Variants in DLG2 observed in about 807,000 individuals in gnomAD.
DLG2 encodes disks large homolog 2.
DLG2 carries 45 observed loss-of-function variants against 132.5 expected under a neutral mutation model. The observed-to-expected ratio is 0.34, with a 90% confidence interval of 0.27 to 0.44. The LOEUF is 0.44. Among genes scored for constraint, DLG2 ranks in the 20% least tolerant of loss-of-function variants. The pLI, the probability that DLG2 is intolerant of heterozygous loss-of-function variation, is 1.00. For synonymous variants in DLG2, 424 were observed against 419.6 expected (o/e 1.01, Z -0.13); for missense variants, 1,045 against 1,196.9 (o/e 0.87, Z 1.87).
At chr11:84,845,950 G>A (rs1334590052) in intron 6 of DLG2, among the ~76,000 whole-genome samples, 2 of 152,112 alleles carry the variant, frequency 1.3e-5, no homozygotes, top group Non-Finnish European at 1.5e-5. Flanking sequence ...GATTACAGGT[G>A]TGAGCTACTG....
intron 15 of DLG2, among the ~76,000 whole-genome samples, chr11:83,888,610 A>G (rs919484822): frequency 6.6e-6 from 1 of 152,216 alleles, no homozygotes; most frequent in Non-Finnish European, 1.5e-5. Flanking sequence ...TTTAAAGTTC[A>G]TATGGAACCA....
intron 21 of DLG2, among the ~76,000 whole-genome samples, chr11:83,507,260 G>A (rs1592082390): frequency 6.6e-6 from 1 of 151,660 alleles, no homozygotes; most frequent in Non-Finnish European, 1.5e-5. Context: ...GCATTTTTGG[G>A]TCTAATCATA....
chr11:83,848,252 C>G (rs1416746155), intron 16 of DLG2, among the ~76,000 whole-genome samples: 3 of 151,978 alleles, frequency 2.0e-5, no homozygotes, highest in African/African-American at 4.8e-5. Flanking sequence ...AACTACAACC[C>G]CCTTGGGCCT....
At chr11:84,206,554 G>A (rs1366415052) in intron 8 of DLG2, among the ~76,000 whole-genome samples, 1 of 151,946 alleles carries the variant, frequency 6.6e-6, no homozygotes, top group African/African-American at 2.4e-5. Flanking sequence ...GGACCAAGGG[G>A]AATTTTTCAC....
chr11:84,880,460 A>T (rs2087124193), intron 6 of DLG2, among the ~76,000 whole-genome samples: 2 of 152,148 alleles, frequency 1.3e-5, no homozygotes, highest in Non-Finnish European at 2.9e-5. Flanking sequence ...ACAGCCTGAG[A>T]CATGGTTGCT....
intron 7 of DLG2, among the ~76,000 whole-genome samples, chr11:84,365,040 G>A (rs2098673447): frequency 6.6e-6 from 1 of 152,106 alleles, no homozygotes; most frequent in Admixed American, 6.6e-5. Flanking sequence ...ATGAGTTAGG[G>A]AGGATTCCCT....
intron 6 of DLG2, among the ~76,000 whole-genome samples, chr11:84,707,527 G>A (rs1019900987): frequency 3.3e-5 from 5 of 151,790 alleles, no homozygotes; most frequent in African/African-American, 7.2e-5. Flanking sequence ...AAAGCCAGCA[G>A]TGACTTCAAC....
intron 11 of DLG2, among the ~76,000 whole-genome samples, chr11:84,039,257 T>C (rs954672778): frequency 1.3e-5 from 2 of 151,486 alleles, no homozygotes; most frequent in Non-Finnish European, 2.9e-5. Context: ...TTAGGGTACA[T>C]GTGCACATTG....
Position 85,310,518 on chromosome 11 carries a change from C to T in DLG2, c.41-25153G>A, listed in dbSNP as rs1392561316. On this transcript the variant is annotated intron_variant, in intron 3 of 27. Transcript: ENST00000376104. Reference sequence around the variant, plus strand: ...TTCACCCAAGAGGCCTGGCCTAAAACAACCAGCAGATGTCTTGGGCATCCC... The same window carrying T: ...TTCACCCAAGAGGCCTGGCCTAAAATAACCAGCAGATGTCTTGGGCATCCC... Among the ~76,000 whole-genome samples the T allele has an allele frequency of 2.0e-5, 3 of 152,164 alleles. No homozygotes were observed. The East Asian group carries it at 5.8e-4, about 29-fold the overall frequency.
At chr11:85,052,032 A>C (rs1194123127) in intron 6 of DLG2, among the ~76,000 whole-genome samples, 1 of 152,224 alleles carries the variant, frequency 6.6e-6, no homozygotes, top group African/African-American at 2.4e-5. Context: ...ACTTCTCAGC[A>C]AGATAAATTT....
chr11:85,149,358 C>T (rs112458871), intron 5 of DLG2, among the ~76,000 whole-genome samples: 1 of 151,996 alleles, frequency 6.6e-6, no homozygotes, highest in Non-Finnish European at 1.5e-5. Flanking sequence ...CATTTTCATG[C>T]TATTGATTCT....
At chr11:85,612,217 C>T (rs1000873334) in intron 2 of DLG2, among the ~76,000 whole-genome samples, 22 of 152,198 alleles carry the variant, frequency 1.4e-4, no homozygotes, top group African/African-American at 3.9e-4. Flanking sequence ...GGGCATAGCC[C>T]GAAAGCACTG....
At chr11:84,659,668 T>C (rs1260150742) in intron 6 of DLG2, among the ~76,000 whole-genome samples, 4 of 152,138 alleles carry the variant, frequency 2.6e-5, no homozygotes, top group Middle Eastern at 3.2e-3. Context: ...TGGATGTTGA[T>C]TTTCAATAAT....
chr11:84,276,212 T>C (rs918183970), intron 7 of DLG2, among the ~76,000 whole-genome samples: 1 of 152,240 alleles, frequency 6.6e-6, no homozygotes, highest in Non-Finnish European at 1.5e-5. Context: ...ATAAGTTCTA[T>C]GTGTTTATTC....
chr11:85,396,056 G>A (rs561317348), intron 3 of DLG2, among the ~76,000 whole-genome samples: 31 of 152,300 alleles, frequency 2.0e-4, no homozygotes, highest in Admixed American at 1.3e-3. Flanking sequence ...CCTCTGGGAC[G>A]ATGCTTCCAG....
chr11:83,819,057 CT>C lies in DLG2; in HGVS notation c.1722+14556del, dbSNP rs376785576. 5.1e-3 allele frequency among the ~76,000 whole-genome samples: 782 copies of C among 152,194 alleles called. 11 individuals carry two copies. The highest frequency in any genetic ancestry group is 0.018 in the African/African-American group (739 of 41,542). Reference sequence around the variant, plus strand: ...AGAAACAGAAACAGTGTGATTTTTTCTGATGTTCTCAATTACAGAGTCTACT... The same window carrying C: ...AGAAACAGAAACAGTGTGATTTTTTCGATGTTCTCAATTACAGAGTCTACT... On this transcript the variant is annotated intron_variant, in intron 17 of 27. Transcript: ENST00000376104.
intron 11 of DLG2, among the ~76,000 whole-genome samples, chr11:84,022,680 T>G (rs1224242039): frequency 6.6e-6 from 1 of 152,182 alleles, no homozygotes; most frequent in Non-Finnish European, 1.5e-5. Context: ...CTTTTTGAGA[T>G]AATATTTTGG....
chr11:85,062,342 T>C (rs1371331383), intron 6 of DLG2, among the ~76,000 whole-genome samples: 1 of 151,798 alleles, frequency 6.6e-6, no homozygotes, highest in Non-Finnish European at 1.5e-5. Context: ...AAAAATTTCA[T>C]ATAAAAATAT....
intron 18 of DLG2, among the ~76,000 whole-genome samples, chr11:83,745,862 A>G (rs530725790): frequency 1.3e-5 from 2 of 152,304 alleles, no homozygotes; most frequent in African/African-American, 4.8e-5. Flanking sequence ...CAGAATCTAC[A>G]AAGAACTCAA....
Sources: gnomAD v4.1 joint callset for allele counts (sites outside exome capture counted in the v4.1 genomes callset) on GRCh38, gnomAD v4.1.1 for gene constraint, MANE v1.5 for transcripts, NCBI Gene and HGNC (gene_info 2026-07-23, HGNC 2026-07-21) for gene names.